Variants in RBM47 observed in about 807,000 individuals in gnomAD.
The protein encoded by RBM47 is RNA-binding protein 47.
A neutral mutation model predicts 47.1 loss-of-function variants in RBM47; 21 were observed. That is an observed-to-expected ratio of 0.45 (90% confidence interval 0.32 to 0.64). The LOEUF is 0.64. RBM47 is among the 30% of genes least tolerant of loss of function. The pLI is 0.05. For synonymous variants in RBM47, 375 were observed against 361.7 expected (o/e 1.04, Z -0.42); for missense variants, 708 against 870.9 (o/e 0.81, Z 2.35).
In RBM47 at chr4:40,511,178, C is replaced by G. The variant is rs141804358; in HGVS notation, c.-155+33244G>C. ...TGACTCCGAGCTCCTACGCATGTGA[C>G]TTTTCTGGCACAGCCGCCAGAATCA... On this transcript the variant is annotated intron_variant, in intron 2 of 6. Coordinates refer to ENST00000295971, the MANE Select transcript of RBM47 (RefSeq NM_001098634.2). Among the ~76,000 whole-genome samples, 218 of 152,360 alleles carry G rather than the reference C, an allele frequency of 1.4e-3. 2 individuals are homozygous for G. In the East Asian group the frequency reaches 0.015, roughly 10 times the overall value.
At chr4:40,543,053 A>C (rs1215229980) in intron 2 of RBM47, 1 of 152,170 alleles carries the variant, frequency 6.6e-6, no homozygotes. Flanking sequence ...ATGTTTGTTA[A>C]TGGATTTACT....
At chr4:40,571,495 A>G (rs1236321834) in intron 1 of RBM47, among the ~76,000 whole-genome samples, 7 of 152,114 alleles carry the variant, frequency 4.6e-5, no homozygotes. Context: ...ATTAAACCAC[A>G]AAGGTTCTAC....
intron 3 of RBM47, among the ~76,000 whole-genome samples, chr4:40,439,431 A>C (rs1290201812): frequency 6.6e-6 from 1 of 152,228 alleles, no homozygotes; most frequent in Non-Finnish European, 1.5e-5. Context: ...AGGAGCTGTC[A>C]TTGTATAGAG....
chr4:40,449,976 C>A (rs1424067357), intron 3 of RBM47, among the ~76,000 whole-genome samples: 3 of 152,184 alleles, frequency 2.0e-5, no homozygotes, highest in Non-Finnish European at 2.9e-5. Flanking sequence ...GCCACCGCAC[C>A]TGGCCTTGTT....
chr4:40,575,278 G>A (rs541143481), intron 1 of RBM47, among the ~76,000 whole-genome samples: 2 of 152,274 alleles, frequency 1.3e-5, no homozygotes, highest in East Asian at 3.9e-4. Flanking sequence ...CAAGGAAGCT[G>A]GGCGTGGTGG....
intron 1 of RBM47, among the ~76,000 whole-genome samples, chr4:40,604,003 G>C (rs1318263512): frequency 2.0e-5 from 3 of 152,306 alleles, no homozygotes; most frequent in South Asian, 2.1e-4. Flanking sequence ...ACCCAGCATA[G>C]TGAAAAACAG....
intron 1 of RBM47, among the ~76,000 whole-genome samples, chr4:40,571,398 T>C (rs1731693090): frequency 1.3e-5 from 2 of 151,940 alleles, no homozygotes; most frequent in Admixed American, 1.3e-4. Context: ...CAACTAGATA[T>C]TCATCTAGAA....
At chr4:40,545,702 T>TAAATAAAA (rs1202852135) in intron 1 of RBM47, among the ~76,000 whole-genome samples, 1 of 150,908 alleles carries the variant, frequency 6.6e-6, no homozygotes, top group East Asian at 1.9e-4. Context: ...AATAAATAAA[T>TAAATAAAA]AAAAGAGAAA....
chr4:40,613,538 A>T (rs1173622884), intron 1 of RBM47, among the ~76,000 whole-genome samples: 1 of 152,226 alleles, frequency 6.6e-6, no homozygotes, highest in African/African-American at 2.4e-5. Context: ...AACAGAGTTC[A>T]GTTCAACTTT....
intron 2 of RBM47, among the ~76,000 whole-genome samples, chr4:40,511,449 C>T: frequency 6.6e-6 from 1 of 152,148 alleles, no homozygotes. Context: ...AATTATATGC[C>T]TAATACAGCC....
intron 1 of RBM47, among the ~76,000 whole-genome samples, chr4:40,551,641 G>A (rs1029388922): frequency 6.7e-6 from 1 of 149,142 alleles, no homozygotes; most frequent in Non-Finnish European, 1.5e-5. Flanking sequence ...ATCAAATAGC[G>A]TACTTTTCTT....
intron 2 of RBM47, among the ~76,000 whole-genome samples, chr4:40,534,704 G>A (rs936210661): frequency 3.3e-5 from 5 of 152,132 alleles, no homozygotes; most frequent in African/African-American, 9.7e-5. Context: ...GGAGGCCGAG[G>A]CAGGCGGATC....
chr4:40,608,730 A>G (rs1735982728), intron 1 of RBM47, among the ~76,000 whole-genome samples: 1 of 152,176 alleles, frequency 6.6e-6, no homozygotes, highest in Non-Finnish European at 1.5e-5. Flanking sequence ...CATTCTGCTC[A>G]AGTTGGTGTT....
At chr4:40,509,188 T>TAAATAAATAAATAAATA (rs543483077) in intron 2 of RBM47, among the ~76,000 whole-genome samples, 4 of 147,700 alleles carry the variant, frequency 2.7e-5, no homozygotes, top group African/African-American at 5.0e-5. Flanking sequence ...AATAAATAAA[T>TAAATAAATAAATAAATA]AATAATAATA....
At chr4:40,541,491 C>T (rs773489711) in intron 2 of RBM47, among the ~76,000 whole-genome samples, 2 of 152,108 alleles carry the variant, frequency 1.3e-5, no homozygotes, top group South Asian at 4.1e-4. Flanking sequence ...AATCCCAGCA[C>T]TTTGGGCGGC....
At position 40,579,423 on chromosome 4, in the gene RBM47, G is replaced by GAA. The variant is rs10653342; in HGVS notation, c.-239-34919_-239-34918dup. Among the ~76,000 whole-genome samples, 13 of 102,000 alleles carry GAA rather than the reference G, an allele frequency of 1.3e-4. 3 individuals carry two copies. Among genetic ancestry groups the GAA allele is most frequent in the South Asian group, 3.5e-4 (1 of 2,860 alleles). The allele number at this position is 102,000 out of a possible 152,430, so 66.9% of individuals were successfully genotyped here. On this transcript the variant is annotated intron_variant, in intron 1 of 6. Transcript: ENST00000295971. ...GGTGACAGAGCGAGACCCTGTCTCA[G>GAA]AAAAAAAAAAAAAAAAAATGCAATA...
chr4:40,532,702 A>G (rs1727533996), intron 2 of RBM47, among the ~76,000 whole-genome samples: 1 of 151,000 alleles, frequency 6.6e-6, no homozygotes, highest in Admixed American at 6.6e-5. Context: ...CCATACGTCA[A>G]TGTCTTAACC....
At chr4:40,614,750 G>A (rs1452225780) in intron 1 of RBM47, among the ~76,000 whole-genome samples, 1 of 151,830 alleles carries the variant, frequency 6.6e-6, no homozygotes, top group African/African-American at 2.4e-5. Flanking sequence ...AAGATCACTT[G>A]AGCCTAGAAG....
intron 3 of RBM47, among the ~76,000 whole-genome samples, chr4:40,446,451 C>T (rs1351835955): frequency 1.3e-5 from 2 of 152,146 alleles, no homozygotes; most frequent in Admixed American, 6.6e-5. Context: ...GAAAACTGAA[C>T]TTAAGGCTGG....
Sources: gnomAD v4.1 joint callset for allele counts (sites outside exome capture counted in the v4.1 genomes callset) on GRCh38, gnomAD v4.1.1 for gene constraint, MANE v1.5 for transcripts, NCBI Gene and HGNC (gene_info 2026-07-23, HGNC 2026-07-21) for gene names.